CACNA1E: variants seen among roughly 807,000 people sequenced by gnomAD.
CACNA1E encodes the protein voltage-dependent R-type calcium channel subunit alpha-1E.
CACNA1E carries 40 observed loss-of-function variants against 259.2 expected under a neutral mutation model. The ratio of observed to expected loss-of-function variants is 0.15; its 90% CI spans 0.12 to 0.20. The LOEUF is 0.20. CACNA1E is among the 10% of genes least tolerant of loss of function. The pLI is 1.00. For synonymous variants in CACNA1E, 1,104 were observed against 1,138.5 expected (o/e 0.97, Z 0.61); for missense variants, 1,874 against 3,040.1 (o/e 0.62, Z 9.02).
At chr1:181,358,940 AT>A (rs373933233) in intron 1 of CACNA1E, among the ~76,000 whole-genome samples, 32 of 152,284 alleles carry the variant, frequency 2.1e-4, no homozygotes, top group African/African-American at 7.2e-4. Flanking sequence ...ACTAACAGGA[AT>A]TTTGGATGAC....
At chr1:181,323,020 A>G (rs995814027) in intron 1 of CACNA1E, among the ~76,000 whole-genome samples, 1 of 152,220 alleles carries the variant, frequency 6.6e-6, no homozygotes, top group Non-Finnish European at 1.5e-5. Flanking sequence ...AAAAAAATCT[A>G]GGGCTGCACC....
chr1:181,541,353 TAAAA>T (rs1348023728), intron 3 of CACNA1E, among the ~76,000 whole-genome samples: 1 of 151,600 alleles, frequency 6.6e-6, no homozygotes, highest in African/African-American at 2.4e-5. Context: ...AAGATACACT[TAAAA>T]AAAGATGGAG....
rs1257364685 is a variant in CACNA1E, at chr1:181,613,043, T to C, written c.951+32267T>C. Among the ~76,000 whole-genome samples the C allele has an allele frequency of 2.6e-5, 4 of 152,202 alleles. No individual in the cohort carries two copies. The East Asian group carries it at 7.7e-4, about 29-fold the overall frequency. The stretch of plus-strand genomic sequence containing the variant: ...GTCTGTCACCTTTATCATAACCATA[T>C]CCTGACCACGTGTGTATGAGTTTGC... On this transcript the variant is annotated intron_variant, in intron 6 of 47. Transcript: ENST00000367573.
intron 6 of CACNA1E, among the ~76,000 whole-genome samples, chr1:181,605,782 A>T (rs559086082): frequency 1.3e-5 from 2 of 152,280 alleles, no homozygotes; most frequent in South Asian, 4.1e-4. Context: ...AGGGTGTGTC[A>T]TCTTCTTGAG....
chr1:181,665,183 A>G (rs1648098661), intron 7 of CACNA1E, among the ~76,000 whole-genome samples: 1 of 151,878 alleles, frequency 6.6e-6, no homozygotes, highest in African/African-American at 2.4e-5. Context: ...ACACACACAT[A>G]TACATCTATA....
At chr1:181,767,795 G>A (rs1168709676) in intron 35 of CACNA1E, among the ~76,000 whole-genome samples, 1 of 152,210 alleles carries the variant, frequency 6.6e-6, no homozygotes, top group Admixed American at 6.5e-5. Flanking sequence ...CATGTTGGCA[G>A]TGTTGGAAAT....
chr1:181,444,735 C>T (rs571335246), intron 2 of CACNA1E, among the ~76,000 whole-genome samples: 5 of 152,338 alleles, frequency 3.3e-5, no homozygotes, highest in African/African-American at 1.2e-4. Flanking sequence ...TCTGCTGATT[C>T]ATCTGCTGAT....
rs549053060 is a variant in CACNA1E, at chr1:181,520,272, A to G, written c.512+8762A>G. Among the ~76,000 whole-genome samples the G allele has an allele frequency of 5.9e-5, 9 of 152,332 alleles. No individual in the cohort carries two copies. The South Asian group carries it at 1.7e-3, about 28-fold the overall frequency. ...GGGGAGAGATTGGCCCTTTAATTCT[A>G]TTATCAACAATTCTAAAGCCCTTGC... On this transcript the variant is annotated intron_variant, in intron 3 of 47. Coordinates refer to ENST00000367573, the MANE Select transcript of CACNA1E (RefSeq NM_001205293.3).
intron 6 of CACNA1E, among the ~76,000 whole-genome samples, chr1:181,596,141 C>G (rs918018396): frequency 6.6e-6 from 1 of 152,102 alleles, no homozygotes; most frequent in Non-Finnish European, 1.5e-5. Context: ...CCAAAAGAAA[C>G]ACAACGTGGC....
At chr1:181,608,423 G>A (rs971545748) in intron 6 of CACNA1E, among the ~76,000 whole-genome samples, 1 of 152,180 alleles carries the variant, frequency 6.6e-6, no homozygotes, top group African/African-American at 2.4e-5. Context: ...TGTCAGGCTT[G>A]GAAGACTGGG....
rs559579575 is a variant in CACNA1E at position 181,769,032 on chromosome 1, T to C, written c.4882-2261T>C. ...AAGTTCGAAAGGAGGAGTAACTTGC[T>C]GGGGATGAGAAAGAGCCCTGTGGCT... On this transcript the variant is annotated intron_variant, in intron 35 of 47. Transcript: ENST00000367573. 1.4e-4 allele frequency among the ~76,000 whole-genome samples: 22 copies of C among 152,352 alleles called. 1 individual carries two copies. In the South Asian group the frequency reaches 2.1e-3, roughly 14 times the overall value.
chr1:181,401,242 GCAGTCCACCCTAACTCC>G (rs545440437), intron 1 of CACNA1E, among the ~76,000 whole-genome samples: 132 of 152,190 alleles, frequency 8.7e-4, no homozygotes, highest in African/African-American at 3.1e-3. Context: ...TGTTTCAGTT[GCAGTCCACCCTAACTCC>G]CATCCTTCCT....
Position 181,424,805 on chromosome 1 carries a change from T to C in CACNA1E, c.434+11225T>C, listed in dbSNP as rs142317578. ...GACTCTCCCCCAAGACTCTGCAGCC[T>C]GGTGCTCAAGCCGGATCGGCCCGTT... On this transcript the variant is annotated intron_variant, in intron 2 of 11. Transcript: ENST00000524607. Among the ~76,000 whole-genome samples, 958 of 152,260 alleles carry C rather than the reference T, an allele frequency of 6.3e-3. 4 individuals carry two copies. The highest frequency in any genetic ancestry group is 0.023 in the South Asian group (112 of 4,824).
intron 1 of CACNA1E, among the ~76,000 whole-genome samples, chr1:181,507,751 A>G (rs1279323221): frequency 6.6e-6 from 1 of 152,210 alleles, no homozygotes; most frequent in Non-Finnish European, 1.5e-5. Flanking sequence ...ACATAGACCC[A>G]TTAGAATGCG....
chr1:181,625,397 C>CA (rs1490922764), intron 6 of CACNA1E, among the ~76,000 whole-genome samples: 2 of 152,198 alleles, frequency 1.3e-5, no homozygotes, highest in Non-Finnish European at 2.9e-5. Flanking sequence ...GTTTCATCTA[C>CA]ATTGAAAATC....
chr1:181,483,732 T>A lies in CACNA1E; in HGVS notation c.-13T>A, dbSNP rs759468069. The A allele has an allele frequency of 1.9e-6, 3 of 1,596,800 alleles. No homozygotes were observed. Among genetic ancestry groups the A allele is most frequent in the South Asian group, 1.1e-5 (1 of 89,928 alleles). On this transcript the variant is annotated 5_prime_UTR_variant, in exon 1 of 48. Coordinates refer to ENST00000367573, the MANE Select transcript of CACNA1E (RefSeq NM_001205293.3). ...ATCACCTTTGTGTGTCTTCTGTCTG[T>A]TTAAACCTCAGGATGGCTCGCTTCG... is the stretch of plus-strand genomic sequence containing the variant.
chr1:181,353,238 T>C (rs1368926665), intron 1 of CACNA1E, among the ~76,000 whole-genome samples: 1 of 152,110 alleles, frequency 6.6e-6, no homozygotes, highest in African/African-American at 2.4e-5. Context: ...CCCACAGCAT[T>C]TAATGGGGGC....
At chr1:181,538,206 T>C (rs1036777281) in intron 3 of CACNA1E, among the ~76,000 whole-genome samples, 6 of 152,246 alleles carry the variant, frequency 3.9e-5, no homozygotes, top group Non-Finnish European at 8.8e-5. Context: ...TTTAAATCTT[T>C]CTGCTTTCTC....
intron 1 of CACNA1E, among the ~76,000 whole-genome samples, chr1:181,499,620 G>A (rs909177758): frequency 1.3e-5 from 2 of 152,170 alleles, no homozygotes; most frequent in East Asian, 1.9e-4. Flanking sequence ...TGGAGGACAC[G>A]ATTAACTTTC....
Sources: gnomAD v4.1 joint callset for allele counts (sites outside exome capture counted in the v4.1 genomes callset) on GRCh38, gnomAD v4.1.1 for gene constraint, MANE v1.5 for transcripts, NCBI Gene and HGNC (gene_info 2026-07-23, HGNC 2026-07-21) for gene names.